The following NXN variants were observed in gnomAD, a reference collection of about 807,000 sequenced individuals.
The protein encoded by NXN is nucleoredoxin 1.
A neutral mutation model predicts 48.6 loss-of-function variants in NXN; 16 were observed. The observed-to-expected ratio is 0.33, with a 90% CI of 0.22 to 0.50. The LOEUF (loss-of-function observed/expected upper bound fraction) is 0.50. Ranked by LOEUF, NXN falls within the 20% of genes least tolerant of loss-of-function variation. The pLI is 0.98. For synonymous variants in NXN, 281 were observed against 269.6 expected (o/e 1.04, Z -0.41); for missense variants, 492 against 605.5 (o/e 0.81, Z 1.97).
intron 1 of NXN, among the ~76,000 whole-genome samples, chr17:931,988 A>T (rs1567507067): frequency 6.8e-6 from 1 of 147,606 alleles, no homozygotes; most frequent in Admixed American, 6.6e-5. Context: ...TACTAAGAAT[A>T]CAAAAATTAG....
intron 1 of NXN, among the ~76,000 whole-genome samples, chr17:964,794 T>A (rs2069282369): frequency 6.6e-6 from 1 of 152,220 alleles, no homozygotes; most frequent in Admixed American, 6.5e-5. Flanking sequence ...AAGAAAAACA[T>A]CTATCAGCAC....
In NXN at chr17:841,425, C is replaced by G. The variant is rs1234010537; in HGVS notation, c.361-15347G>C. ...CAGGTCCCCCCTGACCACGGCGCAT[C>G]TCACACGGGCGAGCAGGTCCCCCTG... On this transcript the variant is annotated intron_variant, in intron 1 of 7. Coordinates refer to ENST00000336868, the MANE Select transcript of NXN (RefSeq NM_022463.5). 6.3e-4 allele frequency among the ~76,000 whole-genome samples: 78 copies of G among 124,000 alleles called. 1 individual carries two copies. Among genetic ancestry groups the G allele is most frequent in the Non-Finnish European group, 1.3e-3 (66 of 51,794 alleles). The allele number at this position is 124,000 out of a possible 152,430, so 81.3% of individuals were successfully genotyped here.
chr17:905,125 A>G (rs1020550619), intron 1 of NXN: 4 of 152,186 alleles, frequency 2.6e-5, no homozygotes, highest in African/African-American at 9.7e-5. Context: ...TTAAAATTCT[A>G]AAATAGGCCA....
intron 1 of NXN, among the ~76,000 whole-genome samples, chr17:884,100 G>A (rs926774202): frequency 1.3e-5 from 2 of 151,946 alleles, no homozygotes; most frequent in African/African-American, 4.8e-5. Flanking sequence ...GGGCGCCTGT[G>A]GTCCCAGCTA....
intron 1 of NXN, among the ~76,000 whole-genome samples, chr17:973,327 A>C (rs2069414334): frequency 2.0e-5 from 3 of 152,216 alleles, no homozygotes; most frequent in Admixed American, 2.0e-4. Context: ...TTCCCACGCG[A>C]AACAGCAGTC....
At chr17:943,984 T>C (rs1322103496) in intron 1 of NXN, among the ~76,000 whole-genome samples, 2 of 152,088 alleles carry the variant, frequency 1.3e-5, no homozygotes, top group African/African-American at 4.8e-5. Flanking sequence ...ACGCCTGTAA[T>C]CCCAGCACTT....
chr17:918,040 T>C (rs2068706017), intron 1 of NXN, among the ~76,000 whole-genome samples: 1 of 152,160 alleles, frequency 6.6e-6, no homozygotes, highest in Admixed American at 6.5e-5. Context: ...ATAAAGGAAA[T>C]CTCAGTTTCA....
chr17:872,372 CAAGG>C (rs1373074791), intron 1 of NXN, among the ~76,000 whole-genome samples: 1 of 149,670 alleles, frequency 6.7e-6, no homozygotes, highest in African/African-American at 2.5e-5. Context: ...CAATCAAAGA[CAAGG>C]AGGGAGAGAG....
intron 1 of NXN, among the ~76,000 whole-genome samples, chr17:854,683 G>A (rs1029685633): frequency 6.7e-6 from 1 of 148,786 alleles, no homozygotes; most frequent in African/African-American, 2.5e-5. Context: ...TTGCAGCCGG[G>A]CACGGTGGCT....
At position 920,263 on chromosome 17, in the gene NXN, T is replaced by C. The variant is rs573120106; in HGVS notation, c.360+59056A>G. On this transcript the variant is annotated intron_variant, in intron 1 of 7. Transcript: ENST00000336868. This position sits in a 1 kb window ranked among gnomAD's most constrained non-coding sequence, Gnocchi z 4.6. Reference sequence around the variant, plus strand: ...GCCTCCTGTCATCTCCCCCCGCCCCTGGCTCCCGCTTTGACCTGGAGGAAT... The same window carrying C: ...GCCTCCTGTCATCTCCCCCCGCCCCCGGCTCCCGCTTTGACCTGGAGGAAT... 7.9e-5 allele frequency among the ~76,000 whole-genome samples: 12 copies of C among 152,256 alleles called. No individual in the cohort carries two copies. The highest frequency in any genetic ancestry group is 2.6e-4 in the African/African-American group (11 of 41,556).
At chr17:939,941 T>C (rs1441809889) in intron 1 of NXN, among the ~76,000 whole-genome samples, 1 of 105,896 alleles carries the variant, frequency 9.4e-6, no homozygotes, top group Non-Finnish European at 1.9e-5. Context: ...CTTCCAGTAT[T>C]ACCTTTTTTT....
intron 1 of NXN, among the ~76,000 whole-genome samples, chr17:846,413 C>CAAAAAAA (rs757262418): frequency 4.8e-5 from 3 of 62,578 alleles, no homozygotes; most frequent in South Asian, 5.4e-4. Context: ...GAAATTGTCT[C>CAAAAAAA]AAAAAAAAAA....
At chr17:845,531 A>C (rs2067850891) in intron 1 of NXN, among the ~76,000 whole-genome samples, 1 of 152,020 alleles carries the variant, frequency 6.6e-6, no homozygotes, top group Non-Finnish European at 1.5e-5. Context: ...AGACCATCTC[A>C]CCTCTCCCTC....
chr17:903,480 C>T (rs2068555509), intron 1 of NXN, among the ~76,000 whole-genome samples: 1 of 152,188 alleles, frequency 6.6e-6, no homozygotes, highest in Admixed American at 6.5e-5. Context: ...CTCCCAGGCT[C>T]AAGCAGATTC....
At chr17:846,935 C>G (rs980933457) in intron 1 of NXN, among the ~76,000 whole-genome samples, 1 of 152,158 alleles carries the variant, frequency 6.6e-6, no homozygotes, top group African/African-American at 2.4e-5. Flanking sequence ...GAAACCTCAT[C>G]ATATCCCACA....
At chr17:864,220 T>C (rs2068074869) in intron 1 of NXN, 2 of 1,227,820 alleles carry the variant, frequency 1.6e-6, no homozygotes, top group African/African-American at 2.0e-5. Flanking sequence ...TGGGCATTCA[T>C]GGTACTTGTC....
intron 4 of NXN, 24 bp downstream of exon 4, chr17:822,333 C>G: frequency 6.4e-7 from 1 of 1,550,752 alleles, no homozygotes; most frequent in Non-Finnish European, 8.9e-7. Flanking sequence ...GAAAAGGGGC[C>G]CAGCACTTCA....
At chr17:880,602 T>G (rs1458129823) in intron 1 of NXN, among the ~76,000 whole-genome samples, 1 of 152,134 alleles carries the variant, frequency 6.6e-6, no homozygotes, top group African/African-American at 2.4e-5. Flanking sequence ...TTTATTTTTC[T>G]GATTAAAGCC....
chr17:818,667 C>G (rs1050703946), intron 5 of NXN, among the ~76,000 whole-genome samples: 1 of 152,074 alleles, frequency 6.6e-6, no homozygotes. Context: ...GGGCAGATCA[C>G]GAGGTCAAGA....
Sources: gnomAD v4.1 joint callset for allele counts (sites outside exome capture counted in the v4.1 genomes callset) on GRCh38, gnomAD v4.1.1 for gene constraint, Gnocchi (gnomAD v3.1) non-coding constraint, MANE v1.5 for transcripts, NCBI Gene and HGNC (gene_info 2026-07-23, HGNC 2026-07-21) for gene names.